Variants in NEK6 observed in about 807,000 individuals in gnomAD.
NEK6 encodes the protein serine/threonine-protein kinase Nek6.
NEK6 carries 27 observed loss-of-function variants against 43.5 expected under a neutral mutation model. The ratio of observed to expected loss-of-function variants is 0.62; its 90% CI spans 0.46 to 0.86. The LOEUF (loss-of-function observed/expected upper bound fraction) is 0.86, where lower values mean the gene tolerates loss of function less well. NEK6 is among the 40% of genes least tolerant of loss of function. The pLI, the probability that NEK6 is intolerant of heterozygous loss-of-function variation, is 0.00. For missense variants in NEK6, 318 were observed against 414.4 expected, an observed-to-expected ratio of 0.77 and a Z score of 2.02; for synonymous variants, 167 against 164.1, an observed-to-expected ratio of 1.02 and a Z score of -0.14.
In NEK6 at chr9:124,339,804, C is replaced by T. The variant is rs1048724426; in HGVS notation, c.717+139C>T. 1.5e-5 allele frequency: 10 copies of T among 675,514 alleles called. No individual in the cohort carries two copies. In the African/African-American group the frequency reaches 1.6e-4, roughly 11 times the overall value. The allele number at this position is 675,514 out of a possible 1,614,324, so 41.8% of individuals were successfully genotyped here. ...GCCTGAGGCATCGGTACCACCAGGG[C>T]CCTGTCCTTCACCCTCCTCAGCCCC... On this transcript the variant is annotated intron_variant, in intron 8 of 9. Transcript: ENST00000320246.
At chr9:124,281,415 C>T (rs910519512) in intron 1 of NEK6, among the ~76,000 whole-genome samples, 9 of 151,710 alleles carry the variant, frequency 5.9e-5, no homozygotes, top group South Asian at 2.1e-4. Context: ...TGAAGTCTTC[C>T]GCGGACCCAC....
At chr9:124,284,670 C>T (rs1293072449) in intron 1 of NEK6, among the ~76,000 whole-genome samples, 8 of 152,234 alleles carry the variant, frequency 5.3e-5, no homozygotes, top group Non-Finnish European at 1.2e-4. Flanking sequence ...ACACCTGCCC[C>T]TGCAGGAATT....
intron 7 of NEK6, among the ~76,000 whole-genome samples, chr9:124,328,627 C>T (rs571902599): frequency 5.6e-4 from 86 of 152,332 alleles, no homozygotes; most frequent in Non-Finnish European, 9.3e-4. Flanking sequence ...CTGCGGCAAG[C>T]GGGGTGTGAG....
At chr9:124,321,659 CT>C in intron 5 of NEK6, 90 bp downstream of exon 5, 1 of 882,886 alleles carries the variant, frequency 1.1e-6, no homozygotes, top group Non-Finnish European at 1.8e-6. Context: ...CCACAATGCT[CT>C]GCCTTTAGCC....
At chr9:124,264,720 C>T (rs1051082958) in intron 1 of NEK6, among the ~76,000 whole-genome samples, 7 of 147,218 alleles carry the variant, frequency 4.8e-5, no homozygotes, top group African/African-American at 1.8e-4. Context: ...GAGCCTGAGG[C>T]GTGAGAATCA....
chr9:124,301,601 T>C (rs1422708530), intron 1 of NEK6, among the ~76,000 whole-genome samples: 4 of 152,198 alleles, frequency 2.6e-5, no homozygotes. Flanking sequence ...GGGGCAGTGC[T>C]GTGGAAAGAA....
intron 1 of NEK6, among the ~76,000 whole-genome samples, chr9:124,279,522 C>T (rs535429772): frequency 4.6e-5 from 7 of 152,110 alleles, no homozygotes; most frequent in African/African-American, 1.7e-4. Context: ...AGGCTGGTCT[C>T]GAACTCCTGA....
rs1433998159 is a variant in NEK6, at chr9:124,352,148, T to A, written c.*1201T>A. ...TTGTACGTAAAGTTAACCTTCCAAT[T>A]GTCTGAGCTGTCGTCACTGACTTCA... On this transcript the variant is annotated 3_prime_UTR_variant, in exon 10 of 10. Coordinates refer to ENST00000320246, the MANE Select transcript of NEK6 (RefSeq NM_014397.6). The A allele has an allele frequency of 6.5e-6, 1 of 152,676 alleles. No homozygotes were observed. Among genetic ancestry groups the A allele is most frequent in the Non-Finnish European group, 1.5e-5 (1 of 68,044 alleles). 9.5% of individuals were successfully genotyped at this position (152,676 alleles called of 1,614,324 possible). A position where few individuals can be genotyped will look rare whatever the true frequency, so the allele number is the denominator to read the frequency against.
chr9:124,320,197 G>C (rs1353821936), intron 4 of NEK6, among the ~76,000 whole-genome samples: 1 of 152,218 alleles, frequency 6.6e-6, no homozygotes, highest in Non-Finnish European at 1.5e-5. Flanking sequence ...CCAGAGCAGG[G>C]GTTTGAGGAC....
chr9:124,306,866 A>G (rs896986002), intron 2 of NEK6, among the ~76,000 whole-genome samples: 3 of 152,240 alleles, frequency 2.0e-5, no homozygotes, highest in African/African-American at 4.8e-5. Context: ...CCCTACCCAC[A>G]GTGTCAGATG....
At chr9:124,286,958 G>A (rs10818938) in intron 1 of NEK6, among the ~76,000 whole-genome samples, 59,729 of 152,036 alleles carry the variant, frequency 0.39, 12,299 homozygotes, top group East Asian at 0.64. Flanking sequence ...CTTCCTGCCC[G>A]AAAGGCCCTG....
intron 1 of NEK6, among the ~76,000 whole-genome samples, chr9:124,272,594 T>TGCTTC (rs750261933): frequency 1.2e-4 from 18 of 152,392 alleles, no homozygotes; most frequent in Admixed American, 1.1e-3. Context: ...GGCTTTGCTT[T>TGCTTC]GCTTCAAGGT....
At chr9:124,320,281 G>C (rs561523949) in intron 4 of NEK6, among the ~76,000 whole-genome samples, 3 of 152,338 alleles carry the variant, frequency 2.0e-5, no homozygotes, top group Admixed American at 6.5e-5. Context: ...TGGACGCATG[G>C]GGAGGAGCTG....
chr9:124,327,792 C>T (rs888791053), intron 7 of NEK6, among the ~76,000 whole-genome samples: 14 of 152,262 alleles, frequency 9.2e-5, no homozygotes, highest in East Asian at 1.9e-4. Context: ...GTCCATCCCT[C>T]CTAGGGGGTG....
intron 1 of NEK6, among the ~76,000 whole-genome samples, chr9:124,287,123 G>C (rs890500312): frequency 6.6e-6 from 1 of 152,176 alleles, no homozygotes; most frequent in South Asian, 2.1e-4. Flanking sequence ...GGTCAGGAGC[G>C]TACAGGGTGC....
chr9:124,281,855 A>G (rs915289261), intron 1 of NEK6, among the ~76,000 whole-genome samples: 1 of 152,154 alleles, frequency 6.6e-6, no homozygotes, highest in African/African-American at 2.4e-5. Flanking sequence ...TTTAGATGCC[A>G]GAAAACTCTG....
rs191193711 is a variant in NEK6, at chr9:124,341,103, C to T, written c.717+1438C>T. 3.2e-3 allele frequency among the ~76,000 whole-genome samples: 484 copies of T among 152,170 alleles called. 2 individuals are homozygous for T. The highest frequency in any genetic ancestry group is 0.011 in the African/African-American group (456 of 41,508). On this transcript the variant is annotated intron_variant, in intron 8 of 9. Coordinates refer to ENST00000320246, the MANE Select transcript of NEK6 (RefSeq NM_014397.6). ...TGTCGCCCGGGCTGGAGGGCAGTGG[C>T]GCAATCTCGGCTCACTGCGGCCTCC...
At chr9:124,331,001 G>A (rs537134776) in intron 7 of NEK6, among the ~76,000 whole-genome samples, 13 of 152,236 alleles carry the variant, frequency 8.5e-5, no homozygotes, top group Non-Finnish European at 1.5e-4. Context: ...GGTGGCTCCC[G>A]CCTGTGATCT....
intron 2 of NEK6, among the ~76,000 whole-genome samples, 168 bp downstream of exon 2, chr9:124,302,222 C>T (rs1170133489): frequency 6.6e-6 from 1 of 152,200 alleles, no homozygotes. Flanking sequence ...CTAGTGAGCT[C>T]ATCGTTGAAT....
Sources: gnomAD v4.1 joint callset for allele counts (sites outside exome capture counted in the v4.1 genomes callset) on GRCh38, gnomAD v4.1.1 for gene constraint, MANE v1.5 for transcripts, NCBI Gene and HGNC (gene_info 2026-07-23, HGNC 2026-07-21) for gene names.